The following MINK1 variants were observed in gnomAD, a reference collection of about 807,000 sequenced individuals.
MINK1 encodes the protein misshapen-like kinase 1.
A neutral mutation model predicts 178.4 loss-of-function variants in MINK1; 46 were observed. The observed-to-expected ratio is 0.26, with a 90% CI of 0.20 to 0.33. MINK1 has a LOEUF of 0.33. Among genes scored for constraint, MINK1 ranks in the 10% least tolerant of loss-of-function variants. The probability of loss-of-function intolerance (pLI) is 1.00; values close to 1 mark genes in which losing one functional copy is unlikely to be tolerated. For missense variants in MINK1, 1,366 were observed against 1,814.9 expected (o/e 0.75, Z 4.49); for synonymous variants, 797 against 709.7 (o/e 1.12, Z -1.96).
chr17:4,858,968 TC>T (rs1567574520), intron 1 of MINK1, among the ~76,000 whole-genome samples: 2 of 151,206 alleles, frequency 1.3e-5, no homozygotes, highest in Non-Finnish European at 2.9e-5. Flanking sequence ...CACCCGGGAT[TC>T]CCCCCGGCCC....
At position 4,891,200 on chromosome 17, in the gene MINK1, G is replaced by GCGCACACACACACA. The variant is rs781594150; in HGVS notation, c.1740+77_1740+78insGCACACACACACAC. 4.1e-4 allele frequency: 407 copies of GCGCACACACACACA among 1,004,206 alleles called. 1 individual carries two copies. The African/African-American group carries it at 5.5e-3, about 14-fold the overall frequency. 62.2% of individuals were successfully genotyped at this position (1,004,206 alleles called of 1,614,324 possible). On this transcript the variant is annotated intron_variant, in intron 15 of 31. Transcript: ENST00000355280. ...AGAGCACAGGTACACACACACGCGC[G>GCGCACACACACACA]CACACACACACACACACACACACAC...
In MINK1 at chr17:4,887,718, C is replaced by T. The variant is rs1309988858; in HGVS notation, c.1158C>T (p.His386=). 1.9e-6 allele frequency: 3 copies of T among 1,556,200 alleles called. No individual in the cohort carries two copies. Among genetic ancestry groups the T allele is most frequent in the Non-Finnish European group, 2.6e-6 (3 of 1,150,690 alleles). The change falls in exon 12 of 32, where the codon CAC becomes CAT. Residue 386 remains histidine, a synonymous_variant. Transcript: ENST00000355280. This position sits in a 1 kb window ranked among gnomAD's most constrained non-coding sequence, Gnocchi z 7.6. ...AGCAGCAGCGAGACCCCGAGGCACA[C>T]ATCAAACACCTGCTGCACCAGCGGC... The part of the protein sequence containing the change: ...QQQQQRDPEA[H]IKHLLHQRQR...
chr17:4,845,190 C>A (rs1478043312), intron 1 of MINK1, among the ~76,000 whole-genome samples: 2 of 152,132 alleles, frequency 1.3e-5, no homozygotes, highest in Middle Eastern at 3.2e-3. Flanking sequence ...AACCCCCCTC[C>A]CAGCTCTAAT....
intron 1 of MINK1, among the ~76,000 whole-genome samples, chr17:4,877,091 GAA>G (rs1010571846): frequency 2.0e-5 from 2 of 100,526 alleles, no homozygotes; most frequent in African/African-American, 3.7e-5. Context: ...AGTCTCAAAA[GAA>G]AAAAAAAAAA....
At chr17:4,891,197 C>CGT (rs1968764957) in intron 15 of MINK1, 73 bp downstream of exon 15, 54 of 1,158,032 alleles carry the variant, frequency 4.7e-5, no homozygotes, top group Non-Finnish European at 5.9e-5. Flanking sequence ...CACACACACG[C>CGT]GCGCACACAC....
At chr17:4,878,026 G>A (rs1006128716) in intron 1 of MINK1, among the ~76,000 whole-genome samples, 2 of 152,010 alleles carry the variant, frequency 1.3e-5, no homozygotes, top group African/African-American at 4.8e-5. Flanking sequence ...TAGCCAGCAT[G>A]GTCTCGATCT....
intron 1 of MINK1, chr17:4,875,394 GAGCCCAGGAGTTCA>G: frequency 2.3e-6 from 1 of 437,584 alleles, no homozygotes; most frequent in South Asian, 1.6e-5. Flanking sequence ...AGGATTGCTT[GAGCCCAGGAGTTCA>G]AGGCTACAGT....
rs372988988 is a variant in MINK1, at chr17:4,892,678, G to A, written c.2221G>A (p.Asp741Asn). 1.4e-5 allele frequency: 22 copies of A among 1,610,102 alleles called. No homozygotes were observed. Among genetic ancestry groups the A allele is most frequent in the Admixed American group, 3.4e-5 (2 of 59,638 alleles). ...CAGTAACCCCGACCTCAGGAGGAGC[G>A]ACCCTGGCTGGGAACGCTCGGACAG... ...ASSNPDLRRS[D>N]PGWERSDSVL... is the part of the protein sequence containing the mutation. The change falls in exon 19 of 32, where the codon GAC (aspartate) becomes AAC (asparagine). Residue 741 changes from aspartate to asparagine, a missense_variant. Physicochemically the swap from Asp to Asn is conservative, Grantham distance 23. This residue lies in a region of MINK1 where 709 missense variants were observed against 692.3 expected (regional missense o/e 1.02). Transcript: ENST00000355280.
rs369985962 is a variant in MINK1, at chr17:4,896,477, G to A, written c.3664G>A (p.Asp1222Asn). ...TGCCATCATCTTCCTCCCCAACACC[G>A]ACGGCATGGAGATGCTGCTGTGCTA... ...PHAIIFLPNT[D>N]GMEMLLCYED... Residue 1222 changes from aspartate (D) to asparagine (N), a missense_variant, in exon 30 of 32, where the codon GAC (aspartate) becomes AAC (asparagine). Asp to Asn is a conservative substitution (Grantham distance 23). This residue lies in a region of MINK1 where 201 missense variants were observed against 240.7 expected (regional missense o/e 0.84). Coordinates refer to ENST00000355280, the MANE Select transcript of MINK1 (RefSeq NM_153827.5). The surrounding 1 kb of genome is among the most constrained non-coding windows in gnomAD (Gnocchi z 4.6). The A allele has an allele frequency of 3.8e-5, 62 of 1,613,880 alleles. No homozygotes were observed. The highest frequency in any genetic ancestry group is 1.6e-4 in the Middle Eastern group (1 of 6,062).
chr17:4,892,176 A>G lies in MINK1; in HGVS notation c.2029A>G (p.Thr677Ala), dbSNP rs201296229. Residue 677 changes from threonine (T) to alanine (A), a missense_variant, in exon 17 of 32, where the codon ACT (threonine) becomes GCT (alanine). By Grantham distance (58) the Thr-to-Ala change is moderately conservative. Coordinates refer to ENST00000355280, the MANE Select transcript of MINK1 (RefSeq NM_153827.5). Reference sequence around the variant, plus strand: ...GCCTCAGAGGACCTCATCTATCGCCACTGCCCTTAACACCAGTGGGGCCGG... The same window carrying G: ...GCCTCAGAGGACCTCATCTATCGCCGCTGCCCTTAACACCAGTGGGGCCGG... ...KVPQRTSSIA[T>A]ALNTSGAGGS... 19 of 1,601,426 alleles carry G rather than the reference A, an allele frequency of 1.2e-5. No homozygotes were observed. Among genetic ancestry groups the G allele is most frequent in the Non-Finnish European group, 1.4e-5 (17 of 1,174,944 alleles).
Position 4,895,369 on chromosome 17 carries a change from C to T in MINK1, c.3105C>T (p.Gly1035=), listed in dbSNP as rs1969341185. 1.2e-6 allele frequency: 2 copies of T among 1,606,766 alleles called. No individual in the cohort carries two copies. Among genetic ancestry groups the T allele is most frequent in the Non-Finnish European group, 1.7e-6 (2 of 1,175,516 alleles). Residue 1035 remains glycine (G), a synonymous_variant, in exon 26 of 32, where the codon GGC becomes GGT. Coordinates refer to ENST00000355280, the MANE Select transcript of MINK1 (RefSeq NM_153827.5). This position sits in a 1 kb window ranked among gnomAD's most constrained non-coding sequence, Gnocchi z 4.3. The stretch of plus-strand genomic sequence containing the variant: ...TTGCAGGGGTCAACCTGCTGGTGGG[C>T]ACGGAGAACGGGCTGATGTTGCTGG... ...AALWGVNLLV[G]TENGLMLLDR... is the part of the protein sequence containing the mutation.
chr17:4,886,436 C>T lies in MINK1; in HGVS notation c.774-15C>T, dbSNP rs768814331. 2 of 1,592,314 alleles carry T rather than the reference C, an allele frequency of 1.3e-6. No individual in the cohort carries two copies. The highest frequency in any genetic ancestry group is 8.6e-7 in the Non-Finnish European group (1 of 1,168,440). ...CTGAGGGGACCCTCCCAGTGTGAGC[C>T]ACCACTGTTTCCAGGTCTAAGAAGT... On this transcript the variant is annotated splice_polypyrimidine_tract_variant and intron_variant, in intron 9 of 31. Coordinates refer to ENST00000355280, the MANE Select transcript of MINK1 (RefSeq NM_153827.5). The surrounding 1 kb of genome is among the most constrained non-coding windows in gnomAD (Gnocchi z 6.1).
At chr17:4,873,555 A>G (rs1966893245) in intron 1 of MINK1, among the ~76,000 whole-genome samples, 1 of 150,506 alleles carries the variant, frequency 6.6e-6, no homozygotes, top group African/African-American at 2.5e-5. Context: ...CCCCAATTCA[A>G]CATTCAAACC....
Position 4,889,662 on chromosome 17 carries a change from C to G in MINK1, c.1246C>G (p.Arg416Gly). 1.9e-6 allele frequency: 3 copies of G among 1,564,308 alleles called. No individual in the cohort carries two copies. Among genetic ancestry groups the G allele is most frequent in the Non-Finnish European group, 2.6e-6 (3 of 1,156,066 alleles). The change falls in exon 13 of 32, where the codon CGG becomes GGG. Residue 416 changes from arginine to glycine, a missense_variant. This residue lies in a region of MINK1 where 87 missense variants were observed against 78.9 expected (regional missense o/e 1.10). Transcript: ENST00000355280. ...RRVEEQQRRE[R>G]EQRKLQEKEQ... ...CTCCCCACAGCAACAGCGGCGGGAGCGGGAGCAGCGGAAGCTGCAGGAGAA... is the reference window on the plus strand; with the variant it reads ...CTCCCCACAGCAACAGCGGCGGGAGGGGGAGCAGCGGAAGCTGCAGGAGAA...
intron 1 of MINK1, among the ~76,000 whole-genome samples, chr17:4,872,736 C>T (rs1916002604): frequency 6.6e-6 from 1 of 152,148 alleles, no homozygotes; most frequent in Admixed American, 6.5e-5. Context: ...CGTGGCACTG[C>T]ACTCCAGCCT....
chr17:4,842,468 G>A (rs1910401643), intron 1 of MINK1, among the ~76,000 whole-genome samples: 1 of 152,208 alleles, frequency 6.6e-6, no homozygotes, highest in Non-Finnish European at 1.5e-5. Context: ...CAGGTAGAGA[G>A]AGGAATGTGG....
chr17:4,851,488 T>G (rs1395376548), intron 1 of MINK1, among the ~76,000 whole-genome samples: 1 of 152,166 alleles, frequency 6.6e-6, no homozygotes, highest in Non-Finnish European at 1.5e-5. Context: ...GCCTTCCTGC[T>G]CGCTGTCTGC....
Position 4,891,029 on chromosome 17 carries a change from C to T in MINK1, c.1645C>T (p.Pro549Ser), listed in dbSNP as rs1296616801. The change falls in exon 15 of 32, where the codon CCC becomes TCC. Residue 549 changes from proline to serine, a missense_variant. By Grantham distance (74) the Pro-to-Ser change is moderately conservative (BLOSUM62 -1). Transcript: ENST00000355280. ...KSKPGSTGPE[P>S]PIPQASPGPP... ...CAAGCCAGGCAGCACGGGGCCTGAGCCCCCCATCCCCCAGGCCTCCCCAGG... is the reference window on the plus strand; with the variant it reads ...CAAGCCAGGCAGCACGGGGCCTGAGTCCCCCATCCCCCAGGCCTCCCCAGG... 5 of 1,557,250 alleles carry T rather than the reference C, an allele frequency of 3.2e-6. No individual in the cohort carries two copies. The highest frequency in any genetic ancestry group is 2.4e-5 in the East Asian group (1 of 41,388).
Position 4,885,393 on chromosome 17 carries a change from T to C in MINK1, c.509-90T>C. 6.5e-7 allele frequency: 1 copy of C among 1,545,752 alleles called. No homozygotes were observed. Among genetic ancestry groups the C allele is most frequent in the Non-Finnish European group, 8.8e-7 (1 of 1,136,126 alleles). The stretch of plus-strand genomic sequence containing the variant: ...GGGTCGGGCCAGGACCACAGCTGGC[T>C]CAGGCAAGTCCTGTGTGTGCACGCA... On this transcript the variant is annotated intron_variant, in intron 6 of 31. Coordinates refer to ENST00000355280, the MANE Select transcript of MINK1 (RefSeq NM_153827.5). The surrounding 1 kb of genome is among the most constrained non-coding windows in gnomAD (Gnocchi z 5.0).
Sources: allele counts gnomAD v4.1 joint callset (sites outside exome capture counted in the v4.1 genomes callset), GRCh38; gene constraint gnomAD v4.1.1; regional missense constraint gnomAD v4.1.1; non-coding constraint Gnocchi (gnomAD v3.1); transcripts MANE v1.5; gene names NCBI Gene and HGNC (gene_info 2026-07-23, HGNC 2026-07-21).